The following ALOX5 variants were observed in gnomAD, a reference collection of about 807,000 sequenced individuals.
ALOX5 encodes polyunsaturated fatty acid 5-lipoxygenase.
Under a neutral mutation model 87.9 loss-of-function variants are expected in ALOX5, and 64 were observed. The ratio of observed to expected loss-of-function variants is 0.73; its 90% confidence interval spans 0.60 to 0.90. The LOEUF (loss-of-function observed/expected upper bound fraction) is 0.90. ALOX5 is among the 40% of genes least tolerant of loss of function. The pLI, the probability that ALOX5 is intolerant of heterozygous loss-of-function variation, is 0.00. For missense variants in ALOX5, 822 were observed against 907.5 expected (o/e 0.91, Z 1.21); for synonymous variants, 388 against 355.1 (o/e 1.09, Z -1.04).
intron 4 of ALOX5, among the ~76,000 whole-genome samples, chr10:45,423,301 T>C (rs1240481227): frequency 1.3e-5 from 2 of 152,226 alleles, no homozygotes; most frequent in Non-Finnish European, 2.9e-5. Flanking sequence ...AATCTCAGTC[T>C]TTTGTGTGCC....
chr10:45,419,182 G>A (rs1451756094), intron 4 of ALOX5, among the ~76,000 whole-genome samples: 1 of 152,262 alleles, frequency 6.6e-6, no homozygotes, highest in African/African-American at 2.4e-5. Flanking sequence ...CAGGCCGCGC[G>A]GAGGCTGCCC....
intron 1 of ALOX5, among the ~76,000 whole-genome samples, 165 bp from the exon 2 acceptor site, chr10:45,382,318 A>G (rs1293480171): frequency 6.6e-6 from 1 of 152,238 alleles, no homozygotes; most frequent in Non-Finnish European, 1.5e-5. Context: ...TCTAAGAAAC[A>G]GCACGAATGT....
At position 45,444,184 on chromosome 10, in the gene ALOX5, C is replaced by T. The variant is rs2132867066; in HGVS notation, c.1743C>T (p.Gly581=). 6.4e-7 allele frequency: 1 copy of T among 1,557,152 alleles called. No homozygotes were observed. The highest frequency in any genetic ancestry group is 8.7e-7 in the Non-Finnish European group (1 of 1,150,482). ...GAGCCCCGCCACCGACTGCCAAGGG[C>T]GTGGTGACCATTGAGCAGATCGTGG... The part of the protein sequence containing the change: ...TMRAPPPTAK[G]VVTIEQIVDT... The change falls in exon 13 of 14, where the codon GGC becomes GGT. Residue 581 remains glycine (G), a synonymous_variant. Coordinates refer to ENST00000374391, the MANE Select transcript of ALOX5 (RefSeq NM_000698.5).
intron 4 of ALOX5, among the ~76,000 whole-genome samples, chr10:45,412,861 ACCT>A (rs1486033441): frequency 2.0e-5 from 3 of 152,170 alleles, no homozygotes; most frequent in African/African-American, 7.2e-5. Context: ...GGTTCTGTGC[ACCT>A]TTGTTTCATC....
chr10:45,382,425 C>T, intron 1 of ALOX5, 58 bp from the exon 2 acceptor site: 2 of 1,595,934 alleles, frequency 1.3e-6, no homozygotes, highest in South Asian at 1.1e-5. Context: ...TTCTTAACAC[C>T]TCCAGAACAA....
Position 45,382,673 on chromosome 10 carries a change from A to G in ALOX5, c.341A>G (p.Asp114Gly), listed in dbSNP as rs781714135. 1.9e-6 allele frequency: 3 copies of G among 1,612,614 alleles called. No homozygotes were observed. The highest frequency in any genetic ancestry group is 2.5e-6 in the Non-Finnish European group (3 of 1,179,318). ...GGCGATGTCGAGGTTGTCCTGAGGG[A>G]TGGACGCGGTGAGCAGCTCAGGCCC... ...ITGDVEVVLR[D>G]GRAKLARDDQ... The change falls in exon 2 of 14, where the codon GAT (aspartate) becomes GGT (glycine). Residue 114 changes from aspartate to glycine, a missense_variant. Coordinates refer to ENST00000374391, the MANE Select transcript of ALOX5 (RefSeq NM_000698.5).
chr10:45,431,847 C>G, intron 7 of ALOX5, among the ~76,000 whole-genome samples: 1 of 152,182 alleles, frequency 6.6e-6, no homozygotes, highest in East Asian at 1.9e-4. Context: ...GTTGGCATTA[C>G]AGGCGTGAGC....
At chr10:45,396,274 A>G (rs1334331938) in intron 3 of ALOX5, among the ~76,000 whole-genome samples, 1 of 152,232 alleles carries the variant, frequency 6.6e-6, no homozygotes, top group Non-Finnish European at 1.5e-5. Flanking sequence ...TATAAAAGTG[A>G]TACATGATCA....
intron 12 of ALOX5, 39 bp from the exon 13 acceptor site, chr10:45,444,077 T>C (rs1202978856): frequency 1.3e-6 from 2 of 1,501,988 alleles, no homozygotes; most frequent in South Asian, 1.3e-5. Flanking sequence ...GCAGCAGGGC[T>C]TCGGGGGTGC....
chr10:45,394,680 G>A (rs1232688528), intron 2 of ALOX5, among the ~76,000 whole-genome samples: 4 of 152,046 alleles, frequency 2.6e-5, no homozygotes, highest in African/African-American at 9.7e-5. Context: ...CCTACAGAAT[G>A]GGAAAAAAAT....
At chr10:45,437,560 A>T (rs2132844797) in intron 7 of ALOX5, among the ~76,000 whole-genome samples, 1 of 152,338 alleles carries the variant, frequency 6.6e-6, no homozygotes, top group Middle Eastern at 3.4e-3. Context: ...GGGAATGAGT[A>T]CATTCTATGT....
chr10:45,382,452 G>A (rs11239498), intron 1 of ALOX5, 31 bp from the exon 2 acceptor site: 10 of 1,613,126 alleles, frequency 6.2e-6, no homozygotes, highest in African/African-American at 4.0e-5. Flanking sequence ...AGGAGACCAC[G>A]CATGGCCTGA....
intron 4 of ALOX5, among the ~76,000 whole-genome samples, chr10:45,415,599 C>T (rs115297114): frequency 0.026 from 3,900 of 151,924 alleles, 184 homozygotes; most frequent in African/African-American, 0.09. Context: ...AAGACATACA[C>T]GGAAAAAAGG....
chr10:45,376,521 T>G (rs1346518004), intron 1 of ALOX5, among the ~76,000 whole-genome samples: 1 of 152,196 alleles, frequency 6.6e-6, no homozygotes, highest in African/African-American at 2.4e-5. Flanking sequence ...TCATCCTTTT[T>G]GGGTAAAGGT....
intron 1 of ALOX5, among the ~76,000 whole-genome samples, chr10:45,382,176 T>A (rs1839853815): frequency 6.6e-6 from 1 of 152,120 alleles, no homozygotes; most frequent in Non-Finnish European, 1.5e-5. Context: ...ACTCGGGAGG[T>A]AAGCGTTCAT....
chr10:45,381,556 C>T (rs951276870), intron 1 of ALOX5, among the ~76,000 whole-genome samples: 1 of 152,208 alleles, frequency 6.6e-6, no homozygotes, highest in African/African-American at 2.4e-5. Flanking sequence ...TGGGGATCCA[C>T]TGTCAGCAAG....
At chr10:45,388,666 C>T (rs1840086418) in intron 2 of ALOX5, among the ~76,000 whole-genome samples, 1 of 152,204 alleles carries the variant, frequency 6.6e-6, no homozygotes, top group Non-Finnish European at 1.5e-5. Context: ...ACAGAAAGGA[C>T]ATCCACACCA....
chr10:45,377,404 T>C (rs145895009), intron 1 of ALOX5, among the ~76,000 whole-genome samples: 7 of 150,942 alleles, frequency 4.6e-5, no homozygotes, highest in Non-Finnish European at 8.8e-5. Flanking sequence ...GTTTCTGCTC[T>C]CTACCCTACA....
chr10:45,381,477 G>T (rs1346168828), intron 1 of ALOX5, among the ~76,000 whole-genome samples: 2 of 152,242 alleles, frequency 1.3e-5, no homozygotes, highest in Non-Finnish European at 1.5e-5. Flanking sequence ...GCAGAGGTGG[G>T]AGTCACTGAG....
Sources: gnomAD v4.1 joint callset for allele counts (sites outside exome capture counted in the v4.1 genomes callset) on GRCh38, gnomAD v4.1.1 for gene constraint, MANE v1.5 for transcripts, NCBI Gene and HGNC (gene_info 2026-07-23, HGNC 2026-07-21) for gene names.